The following XYLB variants were observed in gnomAD, a reference collection of about 807,000 sequenced individuals.
The protein encoded by XYLB is xylulokinase.
In XYLB, 62 loss-of-function variants were observed where a neutral mutation model predicts 78.7. That is an observed-to-expected ratio of 0.79 (90% CI 0.64 to 0.97). The LOEUF (loss-of-function observed/expected upper bound fraction) is 0.97. XYLB is among the 50% of genes least tolerant of loss of function. The pLI is 0.00. For synonymous variants in XYLB, 245 were observed against 247.4 expected (o/e 0.99, Z 0.09); for missense variants, 687 against 676.8 (o/e 1.02, Z -0.17).
intron 9 of XYLB, among the ~76,000 whole-genome samples, chr3:38,370,798 G>A (rs1242464976): frequency 2.0e-5 from 3 of 152,218 alleles, no homozygotes; most frequent in Non-Finnish European, 4.4e-5. Flanking sequence ...CCACCCATTT[G>A]CAGTGGACAC....
At chr3:38,417,526 A>C (rs185621625), downstream of XYLB, among the ~76,000 whole-genome samples, 3 of 152,286 alleles carry the variant, frequency 2.0e-5, no homozygotes, top group East Asian at 5.8e-4. Flanking sequence ...AAAGGGACTA[A>C]ATGTTAAAAG....
At chr3:38,370,202 C>T (rs765174780) in intron 9 of XYLB, 28 bp downstream of exon 9, 2 of 1,549,368 alleles carry the variant, frequency 1.3e-6, no homozygotes, top group African/African-American at 1.4e-5. Context: ...TGATGTGGCT[C>T]ATTTAAGAGC....
intron 2 of XYLB, among the ~76,000 whole-genome samples, chr3:38,349,564 T>C (rs1475997032): frequency 1.3e-5 from 2 of 152,230 alleles, no homozygotes; most frequent in South Asian, 4.1e-4. Context: ...CAAAATTGAA[T>C]GTGAGATGTA....
intron 2 of XYLB, among the ~76,000 whole-genome samples, chr3:38,348,893 A>G (rs1479685794): frequency 2.0e-5 from 3 of 152,244 alleles, no homozygotes; most frequent in Non-Finnish European, 4.4e-5. Flanking sequence ...TGGCGAAACA[A>G]AAAGAGAAAG....
intron 2 of XYLB, chr3:38,355,630 G>A (rs1031501647): frequency 6.5e-5 from 42 of 649,818 alleles, no homozygotes; most frequent in Non-Finnish European, 1.1e-4. Context: ...CCATGTGACT[G>A]AGTTCTAGCC....
chr3:38,372,405 C>T (rs1370188331), intron 9 of XYLB: 1 of 985,168 alleles, frequency 1.0e-6, no homozygotes, highest in Non-Finnish European at 1.2e-6. Flanking sequence ...ATCTCAAGAT[C>T]AGCAGTTTTT....
chr3:38,362,218 A>T (rs1575466890), intron 3 of XYLB, among the ~76,000 whole-genome samples: 1 of 152,152 alleles, frequency 6.6e-6, no homozygotes, highest in East Asian at 1.9e-4. Flanking sequence ...ATGCAAATAA[A>T]AGAAGGCAAA....
At chr3:38,442,425 C>G in the XYLB span, among the ~76,000 whole-genome samples, 86 of 152,264 alleles carry the variant, frequency 5.6e-4, no homozygotes, top group African/African-American at 2.0e-3. Flanking sequence ...AGGGCTATCC[C>G]TAAACCCTTG....
intron 2 of XYLB, chr3:38,355,594 C>T (rs1013658158): frequency 1.7e-6 from 1 of 584,692 alleles, no homozygotes; most frequent in Non-Finnish European, 3.1e-6. Flanking sequence ...TAGGCACTCT[C>T]CTGCCTTCCT....
the XYLB span, among the ~76,000 whole-genome samples, chr3:38,449,446 G>A: frequency 3.9e-5 from 6 of 152,036 alleles, no homozygotes; most frequent in South Asian, 2.1e-4. Flanking sequence ...TTTAACAAAC[G>A]GGGGTCTCAC....
In XYLB at chr3:38,397,040, T is replaced by C. The variant is rs1707899859; in HGVS notation, c.1351-32T>C. The C allele has an allele frequency of 9.9e-6, 16 of 1,609,720 alleles. 1 individual carries two copies. The highest frequency in any genetic ancestry group is 1.2e-5 in the Non-Finnish European group (14 of 1,175,994). ...GTCTGTGTTCCCTCTGAGGAATGGC[T>C]CACCACAGTAGAACCTCTGTGTCCT... On this transcript the variant is annotated intron_variant, in intron 16 of 18. Transcript: ENST00000207870.
intron 3 of XYLB, among the ~76,000 whole-genome samples, chr3:38,361,279 G>A (rs1016513409): frequency 1.3e-5 from 2 of 152,190 alleles, no homozygotes; most frequent in Admixed American, 1.3e-4. Context: ...AGGCGTGGTA[G>A]CTCCAGGGGC....
intron 18 of XYLB, among the ~76,000 whole-genome samples, chr3:38,410,275 A>C (rs1405688688): frequency 3.8e-4 from 58 of 150,880 alleles, no homozygotes; most frequent in East Asian, 2.1e-3. Context: ...GAAAAACAAG[A>C]AATGGGGAAA....
intron 15 of XYLB, among the ~76,000 whole-genome samples, chr3:38,388,169 G>GTTTTTTTTTTTTTTTTTTTTTTTTTTTT (rs71085320): frequency 7.3e-5 from 8 of 109,332 alleles, no homozygotes; most frequent in African/African-American, 2.3e-4. Flanking sequence ...GTTTTTTTTT[G>GTTTTTTTTTTTTTTTTTTTTTTTTTTTT]TTTTTTTTTT....
At chr3:38,361,828 G>C (rs1705991658) in intron 3 of XYLB, among the ~76,000 whole-genome samples, 1 of 152,250 alleles carries the variant, frequency 6.6e-6, no homozygotes, top group Non-Finnish European at 1.5e-5. Flanking sequence ...AGCCAGGGCT[G>C]AAAGAAGCCC....
At chr3:38,391,812 A>G (rs903552875) in intron 15 of XYLB, among the ~76,000 whole-genome samples, 16 of 152,224 alleles carry the variant, frequency 1.1e-4, no homozygotes, top group Admixed American at 9.8e-4. Context: ...TCTGCTAAAC[A>G]TTCTACAATA....
At chr3:38,353,383 G>A (rs1705471469) in intron 2 of XYLB, among the ~76,000 whole-genome samples, 1 of 152,054 alleles carries the variant, frequency 6.6e-6, no homozygotes, top group South Asian at 2.1e-4. Context: ...TCAGCTCACT[G>A]CTATCTATGC....
the XYLB span, among the ~76,000 whole-genome samples, chr3:38,434,699 C>G: frequency 6.6e-6 from 1 of 152,170 alleles, no homozygotes; most frequent in African/African-American, 2.4e-5. Flanking sequence ...CAGAAATCCA[C>G]CAAGCCACAA....
chr3:38,386,821 A>G (rs557004932), intron 15 of XYLB, among the ~76,000 whole-genome samples: 3 of 152,194 alleles, frequency 2.0e-5, no homozygotes, highest in Non-Finnish European at 4.4e-5. Context: ...GAACATCTAT[A>G]AAAAGTGGAT....
Sources: gnomAD v4.1 joint callset for allele counts (sites outside exome capture counted in the v4.1 genomes callset) on GRCh38, gnomAD v4.1.1 for gene constraint, MANE v1.5 for transcripts, NCBI Gene and HGNC (gene_info 2026-07-23, HGNC 2026-07-21) for gene names.